The following APP variants were observed in gnomAD, a reference collection of about 807,000 sequenced individuals.
APP encodes amyloid beta precursor protein.
Under a neutral mutation model 101.4 loss-of-function variants are expected in APP, and 31 were observed. That is an observed-to-expected ratio of 0.31 (90% confidence interval 0.23 to 0.41). The LOEUF (loss-of-function observed/expected upper bound fraction) is 0.41, where lower values mean the gene tolerates loss of function less well. APP is among the 10% of genes least tolerant of loss of function. APP has a pLI of 1.00. For missense variants in APP, 839 were observed against 1,003.7 expected (o/e 0.84, Z 2.22); for synonymous variants, 366 against 364.4 (o/e 1.00, Z -0.05).
intron 1 of APP, among the ~76,000 whole-genome samples, chr21:26,153,792 A>G (rs73343452): frequency 0.045 from 6,913 of 152,288 alleles, 535 homozygotes; most frequent in African/African-American, 0.16. Context: ...AGTCCTGAGG[A>G]TCAAACAGGA....
chr21:26,065,110 TC>T (rs1415570777), intron 3 of APP, among the ~76,000 whole-genome samples: 1 of 152,162 alleles, frequency 6.6e-6, no homozygotes, highest in Non-Finnish European at 1.5e-5. Flanking sequence ...TGCCTCGGCC[TC>T]CCAAAGTGCT....
intron 1 of APP, chr21:26,140,244 C>A (rs1219646447): frequency 6.5e-7 from 1 of 1,536,088 alleles, no homozygotes. Flanking sequence ...ACATCAGCAA[C>A]TGTGGAATAC....
chr21:26,054,631 T>G (rs929456180), intron 3 of APP, among the ~76,000 whole-genome samples: 4 of 143,428 alleles, frequency 2.8e-5, no homozygotes, highest in South Asian at 2.3e-4. Context: ...TTTTTTTTTT[T>G]TTTTTTTTTT....
intron 5 of APP, among the ~76,000 whole-genome samples, chr21:26,025,188 T>A (rs2044515253): frequency 6.6e-6 from 1 of 152,234 alleles, no homozygotes; most frequent in Non-Finnish European, 1.5e-5. Flanking sequence ...TCCTTAACAG[T>A]TGCTCAGCTG....
intron 5 of APP, among the ~76,000 whole-genome samples, chr21:26,035,379 G>T (rs902182698): frequency 7.2e-5 from 11 of 152,160 alleles, no homozygotes; most frequent in Admixed American, 2.6e-4. Flanking sequence ...CAGCCCGGGG[G>T]TTAGCAAGCT....
intron 6 of APP, among the ~76,000 whole-genome samples, chr21:26,001,564 T>A (rs977713735): frequency 1.3e-5 from 2 of 152,230 alleles, no homozygotes; most frequent in Non-Finnish European, 2.9e-5. Context: ...AGTGGCACAA[T>A]CTTGGCTCAC....
intron 3 of APP, among the ~76,000 whole-genome samples, chr21:26,084,542 A>T (rs1458572005): frequency 7.3e-6 from 1 of 136,276 alleles, no homozygotes; most frequent in African/African-American, 2.7e-5. Context: ...CCGGCCGAAG[A>T]CACCATTTTT....
chr21:25,953,203 G>A (rs1272970336), intron 13 of APP, among the ~76,000 whole-genome samples: 1 of 152,130 alleles, frequency 6.6e-6, no homozygotes. Flanking sequence ...AAAGTTCTGG[G>A]ACACTGCACC....
At chr21:26,131,731 T>C (rs1337655297) in intron 1 of APP, among the ~76,000 whole-genome samples, 3 of 152,188 alleles carry the variant, frequency 2.0e-5, no homozygotes, top group Non-Finnish European at 4.4e-5. Context: ...TAACCAACTG[T>C]TCTCATCAGT....
At chr21:25,972,941 T>A (rs1314777979) in intron 11 of APP, among the ~76,000 whole-genome samples, 2 of 152,156 alleles carry the variant, frequency 1.3e-5, no homozygotes, top group Admixed American at 6.5e-5. Flanking sequence ...AGTACTTTTG[T>A]AAAGTACTGT....
chr21:25,913,754 A>C (rs1214310698), intron 13 of APP, among the ~76,000 whole-genome samples: 1 of 152,124 alleles, frequency 6.6e-6, no homozygotes, highest in African/African-American at 2.4e-5. Context: ...CACAGTACTT[A>C]TCTTCTTCCC....
At chr21:25,887,517 G>GAAAAAAAAAA (rs199637906) in intron 17 of APP, among the ~76,000 whole-genome samples, 5 of 114,444 alleles carry the variant, frequency 4.4e-5, no homozygotes, top group East Asian at 3.2e-4. Flanking sequence ...CTGCTTATTT[G>GAAAAAAAAAA]AAAAAAAAAA....
chr21:26,148,457 G>C (rs1332640288), intron 1 of APP, among the ~76,000 whole-genome samples: 1 of 152,222 alleles, frequency 6.6e-6, no homozygotes, highest in East Asian at 1.9e-4. Flanking sequence ...GTCAGATGGG[G>C]AGGGACAAAA....
In APP at chr21:25,881,877, A is replaced by T; in HGVS notation, c.2212-106T>A. On this transcript the variant is annotated intron_variant, in intron 17 of 17. Coordinates refer to ENST00000346798, the MANE Select transcript of APP (RefSeq NM_000484.4). ...GGAGTACAGTACTCTTCTTTTGCCA[A>T]GATTGCAGAACACCCATAATTTTCT... 3 of 1,164,880 alleles carry T rather than the reference A, an allele frequency of 2.6e-6. No homozygotes were observed. In the East Asian group the frequency reaches 7.5e-5, roughly 29 times the overall value. 72.2% of individuals were successfully genotyped at this position (1,164,880 alleles called of 1,614,324 possible).
At chr21:25,904,875 A>G (rs2038706921) in intron 15 of APP, 149 bp downstream of exon 15, 2 of 721,778 alleles carry the variant, frequency 2.8e-6, no homozygotes, top group Non-Finnish European at 2.5e-6. Context: ...AGTCAAGGGG[A>G]ATTTTTAAAA....
intron 17 of APP, among the ~76,000 whole-genome samples, chr21:25,884,126 T>A (rs996012026): frequency 2.0e-5 from 3 of 152,200 alleles, no homozygotes; most frequent in African/African-American, 7.2e-5. Flanking sequence ...TCCGCCTACC[T>A]CGGCCTCCTA....
At chr21:26,169,854 C>G (rs778794697) in intron 1 of APP, among the ~76,000 whole-genome samples, 9 of 152,216 alleles carry the variant, frequency 5.9e-5, no homozygotes, top group Non-Finnish European at 8.8e-5. Context: ...CTATGGGTCT[C>G]CGACCCCTCC....
intron 6 of APP, among the ~76,000 whole-genome samples, chr21:26,017,198 C>CAAAAAAAAAAAA (rs35206910): frequency 3.5e-5 from 2 of 56,366 alleles, no homozygotes; most frequent in African/African-American, 1.7e-4. Flanking sequence ...GACTGTATCT[C>CAAAAAAAAAAAA]AAAAAAAAAA....
intron 5 of APP, among the ~76,000 whole-genome samples, chr21:26,037,977 T>A (rs774072296): frequency 6.6e-6 from 1 of 152,168 alleles, no homozygotes; most frequent in African/African-American, 2.4e-5. Flanking sequence ...AAAAATATAA[T>A]TTAAATATAA....
Sources: allele counts gnomAD v4.1 joint callset (sites outside exome capture counted in the v4.1 genomes callset), GRCh38; gene constraint gnomAD v4.1.1; transcripts MANE v1.5; gene names NCBI Gene and HGNC (gene_info 2026-07-23, HGNC 2026-07-21).